NEXN: variants seen among roughly 807,000 people sequenced by gnomAD.
NEXN encodes the protein nexilin F-actin binding protein.
A neutral mutation model predicts 92.6 loss-of-function variants in NEXN; 65 were observed. The observed-to-expected ratio is 0.70, with a 90% CI of 0.57 to 0.86. The LOEUF (loss-of-function observed/expected upper bound fraction) is 0.86, where lower values mean the gene tolerates loss of function less well. NEXN is among the 40% of genes least tolerant of loss of function. The pLI, the probability that NEXN is intolerant of heterozygous loss-of-function variation, is 0.00. For synonymous variants in NEXN, 254 were observed against 242.5 expected (o/e 1.05, Z -0.44); for missense variants, 778 against 771.1 (o/e 1.01, Z -0.11).
intron 1 of NEXN, among the ~76,000 whole-genome samples, chr1:77,904,235 C>T (rs374333040): frequency 1.2e-4 from 19 of 152,164 alleles, no homozygotes; most frequent in South Asian, 4.2e-4. Context: ...TCAAGTGATC[C>T]GCCCGCCTTA....
chr1:77,889,919 T>C (rs1647067709), intron 1 of NEXN, among the ~76,000 whole-genome samples: 1 of 152,212 alleles, frequency 6.6e-6, no homozygotes, highest in Admixed American at 6.5e-5. Context: ...TAAGTTCATA[T>C]CTTAGTCACA....
At chr1:77,896,549 C>T (rs1306715694) in intron 1 of NEXN, among the ~76,000 whole-genome samples, 2 of 152,102 alleles carry the variant, frequency 1.3e-5, no homozygotes, top group Non-Finnish European at 2.9e-5. Context: ...GGGTGGAGCT[C>T]AGGAGTTCAA....
rs1463201305 is a variant in NEXN at position 77,928,582 on chromosome 1, TA to T, written c.865-732del. Among the ~76,000 whole-genome samples, 4 of 152,004 alleles carry T rather than the reference TA, an allele frequency of 2.6e-5. No homozygotes were observed. The East Asian group carries it at 7.7e-4, about 29-fold the overall frequency. The stretch of plus-strand genomic sequence containing the variant: ...TATAGTAAATTTAATAATAAACCTT[TA>T]ATGATAAAATCATAAAGCTGGAATT... On this transcript the variant is annotated intron_variant, in intron 8 of 12. Transcript: ENST00000334785.
rs540583477 is a variant in NEXN, at chr1:77,928,251, C to T, written c.865-1065C>T. 1.2e-3 allele frequency among the ~76,000 whole-genome samples: 185 copies of T among 150,126 alleles called. 1 individual carries two copies. Among genetic ancestry groups the T allele is most frequent in the African/African-American group, 4.3e-3 (176 of 40,780 alleles). The stretch of plus-strand genomic sequence containing the variant: ...GCTTGAGCCCGGGAAATCAAGGCTA[C>T]GGCGAACTATGAATGAGCCACTGGA... On this transcript the variant is annotated intron_variant, in intron 8 of 12. Transcript: ENST00000334785.
chr1:77,900,268 T>C (rs1033171208), intron 1 of NEXN, among the ~76,000 whole-genome samples: 3 of 152,180 alleles, frequency 2.0e-5, no homozygotes, highest in South Asian at 2.1e-4. Context: ...ATTCTACTTA[T>C]CTGTCAAGGT....
chr1:77,941,830 G>C, intron 11 of NEXN, 193 bp from the exon 12 acceptor site: 2 of 585,968 alleles, frequency 3.4e-6, no homozygotes, highest in Non-Finnish European at 3.0e-6. Flanking sequence ...ATAACTAAGA[G>C]AATGCTTCAT....
At chr1:77,899,775 A>G (rs1326208419) in intron 1 of NEXN, among the ~76,000 whole-genome samples, 2 of 152,168 alleles carry the variant, frequency 1.3e-5, no homozygotes, top group African/African-American at 4.8e-5. Flanking sequence ...CGCCTGACAC[A>G]AAGTAGGAGC....
At chr1:77,893,881 G>A (rs1374902607) in intron 1 of NEXN, among the ~76,000 whole-genome samples, 1 of 151,352 alleles carries the variant, frequency 6.6e-6, no homozygotes, top group Non-Finnish European at 1.5e-5. Flanking sequence ...TGCCCAGGCT[G>A]AAGTGGCACC....
chr1:77,925,010 A>G (rs1238763285), intron 5 of NEXN, among the ~76,000 whole-genome samples, 178 bp from the exon 6 acceptor site: 1 of 152,212 alleles, frequency 6.6e-6, no homozygotes, highest in East Asian at 1.9e-4. Flanking sequence ...TGATATCAAT[A>G]TGCAACAATA....
At chr1:77,926,948 G>A in intron 8 of NEXN, 56 bp downstream of exon 8, 2 of 1,604,392 alleles carry the variant, frequency 1.2e-6, no homozygotes. Flanking sequence ...GCCGACTTAA[G>A]ATAAGGTTTA....
chr1:77,942,258 CAT>C (rs879371865), intron 12 of NEXN, 50 bp downstream of exon 12: 1 of 1,563,982 alleles, frequency 6.4e-7, no homozygotes, highest in South Asian at 1.1e-5. Flanking sequence ...TCTTAAAACC[CAT>C]AGTTTTATAA....
In NEXN at chr1:77,934,332, A is replaced by T. The variant is rs956241219; in HGVS notation, c.1251+853A>T. On this transcript the variant is annotated intron_variant, in intron 10 of 12. Coordinates refer to ENST00000334785, the MANE Select transcript of NEXN (RefSeq NM_144573.4). ...GGCCTTTTTGTTTTCTTTTCTAAAG[A>T]TGGGGTGATCGCACTTTATTGCCCA... 6.6e-5 allele frequency among the ~76,000 whole-genome samples: 10 copies of T among 151,920 alleles called. No individual in the cohort carries two copies. The South Asian group carries it at 2.1e-3, about 32-fold the overall frequency.
At chr1:77,929,189 A>G (rs1650095078) in intron 8 of NEXN, 127 bp from the exon 9 acceptor site, 1 of 649,296 alleles carries the variant, frequency 1.5e-6, no homozygotes, top group Non-Finnish European at 2.8e-6. Flanking sequence ...AAGGGGATTT[A>G]GGTCAAGTAT....
intron 1 of NEXN, among the ~76,000 whole-genome samples, chr1:77,914,975 A>G (rs1648855756): frequency 6.6e-6 from 1 of 152,194 alleles, no homozygotes; most frequent in African/African-American, 2.4e-5. Flanking sequence ...AGATAGAGTG[A>G]AAGTAAATAG....
chr1:77,891,136 A>G (rs968646069), intron 1 of NEXN, among the ~76,000 whole-genome samples: 8 of 152,120 alleles, frequency 5.3e-5, no homozygotes, highest in African/African-American at 1.9e-4. Context: ...GGCTTAATTT[A>G]TAGTAGTTTA....
rs1315424903 is a variant in NEXN at position 77,942,906 on chromosome 1, AC to A, written c.*78del. ...TTCTTCTTCTCTTTTTTAGCTGATG[AC>A]TACTAGCTCCCCTCCCCTCTCCCTG... On this transcript the variant is annotated 3_prime_UTR_variant, in exon 13 of 13. Coordinates refer to ENST00000334785, the MANE Select transcript of NEXN (RefSeq NM_144573.4). 1 of 1,496,094 alleles carries A rather than the reference AC, an allele frequency of 6.7e-7. No homozygotes were observed. 92.7% of individuals were successfully genotyped at this position (1,496,094 alleles called of 1,614,324 possible).
In NEXN at chr1:77,942,976, T is replaced by C; in HGVS notation, c.*147T>C. The C allele has an allele frequency of 8.5e-7, 1 of 1,175,048 alleles. No homozygotes were observed. The highest frequency in any genetic ancestry group is 1.2e-6 in the Non-Finnish European group (1 of 814,950). 72.8% of individuals were successfully genotyped at this position (1,175,048 alleles called of 1,614,324 possible). A position where few individuals can be genotyped will look rare whatever the true frequency, so the allele number is the denominator to read the frequency against. On this transcript the variant is annotated 3_prime_UTR_variant, in exon 13 of 13. Coordinates refer to ENST00000334785, the MANE Select transcript of NEXN (RefSeq NM_144573.4). ...CAACTTTCTTACTACATCCATCTTT[T>C]CTGTGGCGGGGCCAAAAAAGGAAAC...
At chr1:77,919,603 G>A (rs1177773030) in intron 5 of NEXN, among the ~76,000 whole-genome samples, 1 of 132,616 alleles carries the variant, frequency 7.5e-6, no homozygotes. Context: ...TTTTTTTTGA[G>A]ACGGAGTTTT....
At chr1:77,940,850 C>G (rs1651241144) in intron 11 of NEXN, among the ~76,000 whole-genome samples, 1 of 152,128 alleles carries the variant, frequency 6.6e-6, no homozygotes, top group Admixed American at 6.5e-5. Flanking sequence ...CAACCATAGT[C>G]AGGCATTATA....
Sources: gnomAD v4.1 joint callset for allele counts (sites outside exome capture counted in the v4.1 genomes callset) on GRCh38, gnomAD v4.1.1 for gene constraint, MANE v1.5 for transcripts, NCBI Gene and HGNC (gene_info 2026-07-23, HGNC 2026-07-21) for gene names.